Variants in LIMS4 observed in about 807,000 individuals in gnomAD.
LIMS4 encodes LIM zinc finger domain containing 4.
chr2:110,360,693 A>G, the LIMS4 span: 2 of 1,603,046 alleles, frequency 1.2e-6, no homozygotes, highest in Admixed American at 1.7e-5. Flanking sequence ...CTTCAGTTTC[A>G]AAAGTTTTTG....
the LIMS4 span, among the ~76,000 whole-genome samples, chr2:110,373,692 GCTCT>G: frequency 6.6e-6 from 1 of 151,302 alleles, no homozygotes; most frequent in Middle Eastern, 3.4e-3. Flanking sequence ...CTAGTCCCTT[GCTCT>G]CTGACTCCCT....
chr2:110,364,289 A>AAT, the LIMS4 span, among the ~76,000 whole-genome samples: 4 of 5,380 alleles, frequency 7.4e-4, no homozygotes, highest in Non-Finnish European at 1.5e-3. Flanking sequence ...ACCAGCTAAA[A>AAT]ATATATATAT....
the LIMS4 span, among the ~76,000 whole-genome samples, chr2:110,424,580 G>A: frequency 6.9e-6 from 1 of 145,088 alleles, no homozygotes; most frequent in Non-Finnish European, 1.5e-5. Flanking sequence ...GAGGCCTGGA[G>A]GGACTGTGAC....
chr2:110,411,699 C>T, the LIMS4 span, among the ~76,000 whole-genome samples: 3 of 96,002 alleles, frequency 3.1e-5, no homozygotes, highest in East Asian at 9.7e-4. Flanking sequence ...TCCCAGACCC[C>T]AGACATTGAA....
the LIMS4 span, among the ~76,000 whole-genome samples, chr2:110,389,741 AG>A: frequency 7.1e-6 from 1 of 141,404 alleles, no homozygotes; most frequent in Non-Finnish European, 1.5e-5. Context: ...CTGACATCAC[AG>A]GGGGTGACTA....
the LIMS4 span, among the ~76,000 whole-genome samples, chr2:110,390,812 T>C: frequency 1.3e-5 from 2 of 152,190 alleles, no homozygotes; most frequent in African/African-American, 4.8e-5. Flanking sequence ...AAGACAGATA[T>C]GGTATGGTCC....
At chr2:110,365,778 G>A in the LIMS4 span, among the ~76,000 whole-genome samples, 10 of 136,034 alleles carry the variant, frequency 7.4e-5, no homozygotes, top group South Asian at 4.6e-4. Flanking sequence ...TAGCTAGAAC[G>A]CTAACTAGAC....
the LIMS4 span, chr2:110,360,644 A>G: frequency 4.1e-5 from 61 of 1,472,848 alleles, 1 homozygote; most frequent in East Asian, 1.4e-3. Context: ...GATTTGATGA[A>G]GGCCATACCA....
At chr2:110,424,220 C>T in the LIMS4 span, 1 of 17,464 alleles carries the variant, frequency 5.7e-5, no homozygotes, top group African/African-American at 2.4e-4. Context: ...TAGTTCCCTC[C>T]CCGTCCTAGG....
the LIMS4 span, among the ~76,000 whole-genome samples, chr2:110,392,312 G>A: frequency 3.3e-3 from 498 of 150,950 alleles, 2 homozygotes; most frequent in East Asian, 0.027. Flanking sequence ...GGTGGCAGGC[G>A]CCTGTGGTCC....
chr2:110,361,905 A>C, the LIMS4 span: 18 of 1,435,232 alleles, frequency 1.3e-5, 2 homozygotes, highest in African/African-American at 2.7e-4. Context: ...AAGACTTCAC[A>C]GTGAGAACCT....
the LIMS4 span, among the ~76,000 whole-genome samples, chr2:110,372,693 A>G: frequency 1.3e-4 from 20 of 148,920 alleles, no homozygotes; most frequent in South Asian, 4.2e-3. Flanking sequence ...TTTAGTAGAG[A>G]TGGGGTTTTG....
chr2:110,386,843 C>G, the LIMS4 span: 4 of 685,932 alleles, frequency 5.8e-6, no homozygotes, highest in Non-Finnish European at 1.1e-5. Context: ...GGCGATGCAG[C>G]CCAGCTGCAG....
chr2:110,448,359 A>AT (rs1688192815), intron 8 of LIMS4, among the ~76,000 whole-genome samples: 1 of 129,708 alleles, frequency 7.7e-6, no homozygotes, highest in Non-Finnish European at 1.6e-5. Flanking sequence ...TTATTTATTT[A>AT]TTTTTGAGAC....
At chr2:110,425,079 T>C in the LIMS4 span, among the ~76,000 whole-genome samples, 1 of 142,518 alleles carries the variant, frequency 7.0e-6, no homozygotes, top group South Asian at 2.2e-4. Flanking sequence ...CTGCCATCTT[T>C]AAGAGCTGTA....
At chr2:110,361,020 G>A in the LIMS4 span, 1 of 1,556,740 alleles carries the variant, frequency 6.4e-7, no homozygotes. Context: ...TCCAGCTTTG[G>A]TTGAGTGATT....
At chr2:110,361,957 A>G in the LIMS4 span, 1 of 1,369,944 alleles carries the variant, frequency 7.3e-7, no homozygotes, top group Non-Finnish European at 1.0e-6. Context: ...AGTACACAAC[A>G]TTGCAACGTA....
the LIMS4 span, chr2:110,362,023 C>T: frequency 4.7e-6 from 6 of 1,265,344 alleles, no homozygotes; most frequent in Admixed American, 7.9e-5. Flanking sequence ...TGACGTGGGT[C>T]TGGAAGTGCA....
chr2:110,397,207 G>A, the LIMS4 span, among the ~76,000 whole-genome samples: 1 of 88,790 alleles, frequency 1.1e-5, no homozygotes, highest in Non-Finnish European at 2.3e-5. Context: ...GTTATCTAAG[G>A]GTATAAACAC....
Sources: gnomAD v4.1 joint callset for allele counts (sites outside exome capture counted in the v4.1 genomes callset) on GRCh38, gnomAD v4.1.1 for gene constraint, MANE v1.5 for transcripts, NCBI Gene and HGNC (gene_info 2026-07-23, HGNC 2026-07-21) for gene names.